The following GARRE1 variants were observed in gnomAD, a reference collection of about 807,000 sequenced individuals.
The protein encoded by GARRE1 is granule associated Rac and RHOG effector 1, also known as granule associated Rac and RHOG effector protein 1.
GARRE1 carries 49 observed loss-of-function variants against 103.2 expected under a neutral mutation model. That is an observed-to-expected ratio of 0.47 (90% CI 0.38 to 0.60). GARRE1 has a LOEUF of 0.60. Ranked by LOEUF, GARRE1 falls within the 20% of genes least tolerant of loss-of-function variation. The pLI is 0.00. For missense variants in GARRE1, 1,199 were observed against 1,370.5 expected (o/e 0.87, Z 1.98); for synonymous variants, 505 against 532.8 (o/e 0.95, Z 0.72).
At chr19:34,288,907 G>A (rs779201265) in intron 1 of GARRE1, among the ~76,000 whole-genome samples, 12 of 150,794 alleles carry the variant, frequency 8.0e-5, no homozygotes, top group South Asian at 2.1e-4. Context: ...CGAGGCAGTC[G>A]GATCAGTTGA....
chr19:34,354,148 T>C lies in GARRE1; in HGVS notation c.*1193T>C, dbSNP rs993538228. On this transcript the variant is annotated 3_prime_UTR_variant, in exon 14 of 14. Transcript: ENST00000299505. ...TAAAACTTATTTAAATTTTTCATAT[T>C]TCATCTTTGAAAAAGTCTGAGAAAA... is the stretch of plus-strand genomic sequence containing the variant. 6.6e-6 allele frequency: 1 copy of C among 152,542 alleles called. No individual in the cohort carries two copies. The highest frequency in any genetic ancestry group is 1.5e-5 in the Non-Finnish European group (1 of 68,030). 9.4% of individuals were successfully genotyped at this position (152,542 alleles called of 1,614,324 possible).
intron 1 of GARRE1, among the ~76,000 whole-genome samples, chr19:34,258,019 A>G (rs557082416): frequency 6.6e-6 from 1 of 151,294 alleles, no homozygotes; most frequent in Non-Finnish European, 1.5e-5. Flanking sequence ...CCTCCCGAGT[A>G]GCTGGGATTA....
intron 12 of GARRE1, among the ~76,000 whole-genome samples, chr19:34,350,916 C>T (rs1215650440): frequency 2.0e-5 from 3 of 151,918 alleles, no homozygotes; most frequent in East Asian, 2.0e-4. Flanking sequence ...AACAAAAAGC[C>T]GGCCGGACTC....
intron 1 of GARRE1, among the ~76,000 whole-genome samples, chr19:34,275,950 ATT>A (rs2073814764): frequency 6.6e-6 from 1 of 152,010 alleles, no homozygotes; most frequent in African/African-American, 2.4e-5. Context: ...TGTGATTTTG[ATT>A]TGCATTTCCC....
In GARRE1 at chr19:34,355,093, TC is replaced by T. The variant is rs2145294279; in HGVS notation, c.*2140del. 6.5e-6 allele frequency: 1 copy of T among 152,774 alleles called. No individual in the cohort carries two copies. Among genetic ancestry groups the T allele is most frequent in the Admixed American group, 6.5e-5 (1 of 15,306 alleles). The allele number at this position is 152,774 out of a possible 1,614,324, so 9.5% of individuals were successfully genotyped here. A position where few individuals can be genotyped will look rare whatever the true frequency, so the allele number is the denominator to read the frequency against. On this transcript the variant is annotated 3_prime_UTR_variant, in exon 14 of 14. Transcript: ENST00000299505. ...GTCCACAGTACCCTGTATTTCGAGT[TC>T]CATTATACTGAAGTACTCATGTTTT... is the stretch of plus-strand genomic sequence containing the variant.
chr19:34,305,764 G>A (rs574345484), intron 2 of GARRE1, among the ~76,000 whole-genome samples: 1 of 152,192 alleles, frequency 6.6e-6, no homozygotes, highest in African/African-American at 2.4e-5. Context: ...AGCTGAGAAC[G>A]GGAAATACTT....
At chr19:34,258,187 A>T (rs1287924810) in intron 1 of GARRE1, among the ~76,000 whole-genome samples, 4 of 152,056 alleles carry the variant, frequency 2.6e-5, no homozygotes, top group Admixed American at 2.6e-4. Context: ...CTTGACTTGG[A>T]ACTAGTGTGG....
At chr19:34,258,325 C>T (rs1438558796) in intron 1 of GARRE1, among the ~76,000 whole-genome samples, 1 of 152,168 alleles carries the variant, frequency 6.6e-6, no homozygotes, top group Non-Finnish European at 1.5e-5. Context: ...CATATTCCTT[C>T]CCACTTATCC....
chr19:34,258,520 C>G (rs908886093), intron 1 of GARRE1, among the ~76,000 whole-genome samples: 21 of 152,146 alleles, frequency 1.4e-4, no homozygotes, highest in Non-Finnish European at 2.6e-4. Context: ...CGCAGTGGCT[C>G]ACGCCTGTAA....
chr19:34,273,937 C>T (rs12327730), intron 1 of GARRE1, among the ~76,000 whole-genome samples: 20,419 of 151,948 alleles, frequency 0.13, 2,001 homozygotes, highest in African/African-American at 0.27. Flanking sequence ...GGATTTTAAG[C>T]GCAGAGTGGT....
chr19:34,337,686 A>G (rs1247986450), intron 8 of GARRE1, among the ~76,000 whole-genome samples: 7 of 152,226 alleles, frequency 4.6e-5, no homozygotes. Flanking sequence ...TGTCAACAGA[A>G]TGGGTTTAGC....
chr19:34,351,214 TA>T (rs776768646), intron 12 of GARRE1, among the ~76,000 whole-genome samples: 1 of 136,062 alleles, frequency 7.3e-6, no homozygotes, highest in Non-Finnish European at 1.6e-5. Context: ...AAAAAAAAAA[TA>T]AAATAATAAT....
intron 1 of GARRE1, among the ~76,000 whole-genome samples, chr19:34,274,673 A>G (rs529894737): frequency 6.6e-6 from 1 of 152,292 alleles, no homozygotes; most frequent in Admixed American, 6.5e-5. Flanking sequence ...CCCAGAAGGA[A>G]TATGTTGCTC....
At chr19:34,259,110 G>C (rs1181674015) in intron 1 of GARRE1, among the ~76,000 whole-genome samples, 3 of 152,184 alleles carry the variant, frequency 2.0e-5, no homozygotes, top group Non-Finnish European at 4.4e-5. Flanking sequence ...TAAGGATTCA[G>C]TGAACTGTGA....
At chr19:34,307,752 T>TACATATATAGTATATATATACTATAAAA (rs1289913551) in intron 2 of GARRE1, among the ~76,000 whole-genome samples, 1 of 139,512 alleles carries the variant, frequency 7.2e-6, no homozygotes, top group East Asian at 2.0e-4. Context: ...ATACTATATA[T>TACATATATAGTATATATATACTATAAAA]ACATATATAG....
intron 2 of GARRE1, among the ~76,000 whole-genome samples, chr19:34,305,130 A>G (rs2074001851): frequency 6.6e-6 from 1 of 152,194 alleles, no homozygotes; most frequent in African/African-American, 2.4e-5. Context: ...AACACATAAA[A>G]AAGCATGCCT....
intron 1 of GARRE1, among the ~76,000 whole-genome samples, chr19:34,298,031 T>G (rs945369402): frequency 2.0e-5 from 3 of 152,146 alleles, no homozygotes; most frequent in African/African-American, 7.2e-5. Flanking sequence ...TGACGAAGTA[T>G]GAGTTACATT....
At chr19:34,287,838 C>T (rs2073896045) in intron 1 of GARRE1, among the ~76,000 whole-genome samples, 1 of 152,126 alleles carries the variant, frequency 6.6e-6, no homozygotes, top group South Asian at 2.1e-4. Flanking sequence ...ATGGCTGCAC[C>T]CTCATGACCT....
intron 1 of GARRE1, among the ~76,000 whole-genome samples, chr19:34,290,924 T>G (rs2073914256): frequency 1.3e-5 from 1 of 75,044 alleles, no homozygotes; most frequent in Admixed American, 2.2e-4. Context: ...TTTTTTTTTT[T>G]GAGACAGAGT....
Sources: allele counts gnomAD v4.1 joint callset (sites outside exome capture counted in the v4.1 genomes callset), GRCh38; gene constraint gnomAD v4.1.1; transcripts MANE v1.5; gene names NCBI Gene and HGNC (gene_info 2026-07-23, HGNC 2026-07-21).